Variants in CDC14B observed in about 807,000 individuals in gnomAD.
CDC14B encodes cell division cycle 14B, also known as dual specificity protein phosphatase CDC14B.
Under a neutral mutation model 64.2 loss-of-function variants are expected in CDC14B, and 22 were observed. The observed-to-expected ratio is 0.34, with a 90% CI of 0.24 to 0.49. The LOEUF (loss-of-function observed/expected upper bound fraction) is 0.49, where lower values mean the gene tolerates loss of function less well. Among genes scored for constraint, CDC14B ranks in the 20% least tolerant of loss-of-function variants. CDC14B has a pLI of 0.99. For missense variants in CDC14B, 498 were observed against 629.9 expected (o/e 0.79, Z 2.24); for synonymous variants, 191 against 215.8 (o/e 0.89, Z 1.01).
At chr9:96,555,583 C>T (rs1245362937) in intron 4 of CDC14B, among the ~76,000 whole-genome samples, 2 of 152,178 alleles carry the variant, frequency 1.3e-5, no homozygotes, top group Admixed American at 1.3e-4. Flanking sequence ...GTAGCACACT[C>T]AATTTAAGGA....
intron 4 of CDC14B, among the ~76,000 whole-genome samples, chr9:96,557,002 CAAA>C (rs1842587391): frequency 6.6e-6 from 1 of 152,152 alleles, no homozygotes; most frequent in African/African-American, 2.4e-5. Flanking sequence ...GGATGGGACC[CAAA>C]ATTCCAGAAA....
intron 1 of CDC14B, among the ~76,000 whole-genome samples, chr9:96,599,377 G>A (rs1038203834): frequency 3.4e-5 from 5 of 148,248 alleles, no homozygotes; most frequent in East Asian, 3.9e-4. Flanking sequence ...GTGAAACTCC[G>A]TTTAAAAAAA....
intron 1 of CDC14B, among the ~76,000 whole-genome samples, chr9:96,579,912 A>C (rs1361325517): frequency 1.3e-5 from 2 of 152,244 alleles, no homozygotes. Context: ...CTTTTCTGTA[A>C]CTCTAAAAGT....
chr9:96,581,650 T>C (rs1845166653), intron 1 of CDC14B, among the ~76,000 whole-genome samples: 1 of 152,092 alleles, frequency 6.6e-6, no homozygotes, highest in Admixed American at 6.6e-5. Context: ...AAGTATTTAC[T>C]TTTTGAGTAT....
chr9:96,523,378 C>A lies in CDC14B; in HGVS notation c.1128G>T (p.Gln376His). ...GTCCATTCTCCTGCCCCTTTAACTT[C>A]TGACGAAAATAGTCCCCTTCCAGCC... The part of the protein sequence containing the change: ...NLWLEGDYFR[Q>H]KLKGQENGQH... Residue 376 changes from glutamine to histidine, a missense_variant, in exon 11 of 14, where the codon CAG becomes CAT. Physicochemically the swap from Gln to His is conservative, Grantham distance 24 (BLOSUM62 0). Coordinates refer to ENST00000375241, the MANE Select transcript of CDC14B (RefSeq NM_033331.4). 1 of 1,614,202 alleles carries A rather than the reference C, an allele frequency of 6.2e-7. No individual in the cohort carries two copies. Among genetic ancestry groups the A allele is most frequent in the Non-Finnish European group, 8.5e-7 (1 of 1,180,040 alleles).
At position 96,533,898 on chromosome 9, in the gene CDC14B, C is replaced by T. The variant is rs376439998; in HGVS notation, c.946+29G>A. 13 of 1,416,756 alleles carry T rather than the reference C, an allele frequency of 9.2e-6. No homozygotes were observed. The South Asian group carries it at 1.6e-4, about 18-fold the overall frequency. The allele number at this position is 1,416,756 out of a possible 1,614,324, so 87.8% of individuals were successfully genotyped here. A position where few individuals can be genotyped will look rare whatever the true frequency, so the allele number is the denominator to read the frequency against. On this transcript the variant is annotated intron_variant, in intron 9 of 13. Transcript: ENST00000375241. Reference sequence around the variant, plus strand: ...CATATTCATATACTCATACTGTATACTATTCTTTAACCACCCCTAGAAACA... The same window carrying T: ...CATATTCATATACTCATACTGTATATTATTCTTTAACCACCCCTAGAAACA...
intron 1 of CDC14B, among the ~76,000 whole-genome samples, chr9:96,590,727 C>T (rs1845740066): frequency 6.6e-6 from 1 of 150,864 alleles, no homozygotes; most frequent in Non-Finnish European, 1.5e-5. Context: ...AGATTAGTGT[C>T]AGTGAGCATC....
At chr9:96,522,361 C>T in intron 12 of CDC14B, 145 bp downstream of exon 12, 3 of 643,552 alleles carry the variant, frequency 4.7e-6, no homozygotes, top group Non-Finnish European at 8.5e-6. Flanking sequence ...GCCAGCACCC[C>T]TAGGTTTTAA....
At chr9:96,583,193 T>C (rs563646951) in intron 1 of CDC14B, among the ~76,000 whole-genome samples, 2 of 152,048 alleles carry the variant, frequency 1.3e-5, no homozygotes, top group Admixed American at 6.6e-5. Flanking sequence ...TGGGCTCTCA[T>C]TGGTGAAATT....
chr9:96,587,771 T>C (rs1052120741), intron 1 of CDC14B, among the ~76,000 whole-genome samples: 1 of 152,132 alleles, frequency 6.6e-6, no homozygotes, highest in African/African-American at 2.4e-5. Context: ...CAGGGTGATA[T>C]ATGAACATAT....
In CDC14B at chr9:96,619,354, A is replaced by G; in HGVS notation, c.25T>C (p.Ser9Pro). 8.1e-7 allele frequency: 1 copy of G among 1,237,866 alleles called. No individual in the cohort carries two copies. The highest frequency in any genetic ancestry group is 1.0e-6 in the Non-Finnish European group (1 of 987,264). 76.7% of individuals were successfully genotyped at this position (1,237,866 alleles called of 1,614,324 possible). A position where few individuals can be genotyped will look rare whatever the true frequency, so the allele number is the denominator to read the frequency against. MKRKSERR[S>P]SWAAAPPCSR... ...CAGGGGGGCGCGGCGGCCCAGCTCG[A>G]CCGCCGCTCGCTTTTCCGCTTCATG... The change falls in exon 1 of 14, where the codon TCG becomes CCG. Residue 9 changes from serine (S) to proline (P), a missense_variant. Transcript: ENST00000375241.
At chr9:96,593,910 TAAAG>T (rs1207926234) in intron 1 of CDC14B, among the ~76,000 whole-genome samples, 1 of 152,164 alleles carries the variant, frequency 6.6e-6, no homozygotes, top group Non-Finnish European at 1.5e-5. Context: ...TCTGAAAAGA[TAAAG>T]TAACTCTCAC....
At chr9:96,575,422 G>A (rs1181418695) in intron 1 of CDC14B, among the ~76,000 whole-genome samples, 1 of 152,138 alleles carries the variant, frequency 6.6e-6, no homozygotes, top group Non-Finnish European at 1.5e-5. Context: ...CCCCAACATT[G>A]TTAGTCTCCA....
chr9:96,522,622 A>G lies in CDC14B; in HGVS notation c.1246-19T>C, dbSNP rs1034205072. ...CACTGTACTGTGTAAGTAAAAAAAC[A>G]CTGAGCTAATGATTTAAGTTGCACT... On this transcript the variant is annotated intron_variant, in intron 11 of 13. Transcript: ENST00000375241. 6.7e-7 allele frequency: 1 copy of G among 1,495,704 alleles called. No individual in the cohort carries two copies. Among genetic ancestry groups the G allele is most frequent in the Non-Finnish European group, 9.3e-7 (1 of 1,071,868 alleles). The allele number at this position is 1,495,704 out of a possible 1,614,324, so 92.7% of individuals were successfully genotyped here.
chr9:96,536,939 AAC>A (rs1839356660), intron 7 of CDC14B, among the ~76,000 whole-genome samples: 1 of 152,198 alleles, frequency 6.6e-6, no homozygotes, highest in South Asian at 2.1e-4. Flanking sequence ...AAAAACATAG[AAC>A]ACACCTGTGG....
At chr9:96,570,694 C>T (rs749069305) in intron 1 of CDC14B, among the ~76,000 whole-genome samples, 1 of 152,078 alleles carries the variant, frequency 6.6e-6, no homozygotes, top group African/African-American at 2.4e-5. Flanking sequence ...GCAGCATTAC[C>T]CACTCAAATG....
At chr9:96,617,901 T>C (rs906120290) in intron 1 of CDC14B, among the ~76,000 whole-genome samples, 2 of 152,100 alleles carry the variant, frequency 1.3e-5, no homozygotes, top group Non-Finnish European at 2.9e-5. Context: ...CCCAGCCCCA[T>C]CCGTCCTCGG....
At chr9:96,582,562 C>T (rs1294477907) in intron 1 of CDC14B, among the ~76,000 whole-genome samples, 1 of 152,164 alleles carries the variant, frequency 6.6e-6, no homozygotes, top group Admixed American at 6.6e-5. Flanking sequence ...AGGGTGGATG[C>T]GTCAAGTTAT....
downstream of CDC14B, chr9:96,496,364 A>G (rs779674218): frequency 7.8e-6 from 4 of 511,526 alleles, no homozygotes; most frequent in Middle Eastern, 3.2e-4. Context: ...CCATCGCTGG[A>G]AAAGGGAGGA....
Sources: allele counts gnomAD v4.1 joint callset (sites outside exome capture counted in the v4.1 genomes callset), GRCh38; gene constraint gnomAD v4.1.1; transcripts MANE v1.5; gene names NCBI Gene and HGNC (gene_info 2026-07-23, HGNC 2026-07-21).